MED13L: variants seen among roughly 807,000 people sequenced by gnomAD.
MED13L encodes mediator complex subunit 13L.
MED13L carries 7 observed loss-of-function variants against 220.9 expected under a neutral mutation model. The ratio of observed to expected loss-of-function variants is 0.03; its 90% CI spans 0.02 to 0.06. The LOEUF is 0.06. Among genes scored for constraint, MED13L ranks in the 10% least tolerant of loss-of-function variants. The pLI, the probability that MED13L is intolerant of heterozygous loss-of-function variation, is 1.00. For synonymous variants in MED13L, 1,011 were observed against 1,015.2 expected, an observed-to-expected ratio of 1.00 and a Z score of 0.08; for missense variants, 1,965 against 2,760.5, an observed-to-expected ratio of 0.71 and a Z score of 6.46.
chr12:116,023,171 C>T (rs1880164538), intron 4 of MED13L, among the ~76,000 whole-genome samples: 1 of 152,048 alleles, frequency 6.6e-6, no homozygotes, highest in African/African-American at 2.4e-5. Flanking sequence ...TGGTGTGCAC[C>T]TGTAGTCCTA....
chr12:116,009,541 T>C (rs1284670495), intron 9 of MED13L, among the ~76,000 whole-genome samples: 3 of 152,216 alleles, frequency 2.0e-5, no homozygotes, highest in Non-Finnish European at 2.9e-5. Flanking sequence ...CTAACTGTAA[T>C]ATAGAATGGC....
chr12:115,966,970 G>C (rs796867473), intron 28 of MED13L, among the ~76,000 whole-genome samples: 1 of 151,844 alleles, frequency 6.6e-6, no homozygotes, highest in Non-Finnish European at 1.5e-5. Context: ...TCAGAATTTC[G>C]AGACCTGCCT....
chr12:116,217,163 C>A (rs1199604846), intron 2 of MED13L, among the ~76,000 whole-genome samples: 1 of 152,164 alleles, frequency 6.6e-6, no homozygotes, highest in Non-Finnish European at 1.5e-5. Context: ...CCAGGAAAGA[C>A]AGGCAGCATG....
At chr12:116,003,254 A>G in intron 13 of MED13L, 152 bp from the exon 14 acceptor site, 1 of 701,954 alleles carries the variant, frequency 1.4e-6, no homozygotes, top group Non-Finnish European at 2.5e-6. Flanking sequence ...AGTGAAACAA[A>G]GGAGATGGTT....
intron 2 of MED13L, among the ~76,000 whole-genome samples, chr12:116,136,956 C>T (rs1428208255): frequency 1.3e-5 from 2 of 152,194 alleles, no homozygotes; most frequent in Middle Eastern, 3.4e-3. Flanking sequence ...AAACAGAAGA[C>T]AATTGAGGTA....
At chr12:115,995,271 C>G (rs1464282595) in intron 16 of MED13L, among the ~76,000 whole-genome samples, 2 of 152,164 alleles carry the variant, frequency 1.3e-5, no homozygotes, top group Admixed American at 1.3e-4. Context: ...ATCAGTAGTA[C>G]CAACTCTTTT....
At chr12:116,076,635 G>A (rs1183640673) in intron 4 of MED13L, among the ~76,000 whole-genome samples, 1 of 152,194 alleles carries the variant, frequency 6.6e-6, no homozygotes, top group African/African-American at 2.4e-5. Context: ...GGGGTCAAGA[G>A]CAATTGGGAG....
Position 116,038,087 on chromosome 12 carries a change from C to A in MED13L, c.480-15486G>T, listed in dbSNP as rs577840620. Among the ~76,000 whole-genome samples, 4 of 151,984 alleles carry A rather than the reference C, an allele frequency of 2.6e-5. No individual in the cohort carries two copies. The South Asian group carries it at 8.3e-4, about 32-fold the overall frequency. The stretch of plus-strand genomic sequence containing the variant: ...TCAATGGGGAGTGTGTCTGACAGAA[C>A]ACACAGATTAAAGTGGAATTTATAT... On this transcript the variant is annotated intron_variant, in intron 4 of 30. Coordinates refer to ENST00000281928, the MANE Select transcript of MED13L (RefSeq NM_015335.5).
chr12:116,006,004 G>A lies in MED13L; in HGVS notation c.2345-11C>T. 6.2e-7 allele frequency: 1 copy of A among 1,613,844 alleles called. No homozygotes were observed. ...TATCCTGCCGGACATCTGTAGGAAA[G>A]GAGGCAAAAGACACAGAATAAACAA... On this transcript the variant is annotated splice_polypyrimidine_tract_variant and intron_variant, in intron 12 of 30. Coordinates refer to ENST00000281928, the MANE Select transcript of MED13L (RefSeq NM_015335.5).
At chr12:116,060,282 A>G (rs1869333420) in intron 4 of MED13L, among the ~76,000 whole-genome samples, 1 of 152,168 alleles carries the variant, frequency 6.6e-6, no homozygotes, top group Admixed American at 6.5e-5. Context: ...AATTTTGAAA[A>G]ATTCACAAAA....
intron 2 of MED13L, among the ~76,000 whole-genome samples, chr12:116,200,686 T>C (rs866302850): frequency 6.6e-6 from 1 of 152,220 alleles, no homozygotes; most frequent in African/African-American, 2.4e-5. Context: ...ACTAAGTCTA[T>C]ACTAAGCACA....
intron 27 of MED13L, 105 bp downstream of exon 27, chr12:115,970,489 G>T: frequency 8.2e-7 from 1 of 1,215,694 alleles, no homozygotes; most frequent in Non-Finnish European, 1.2e-6. Context: ...TAGTTCCTGG[G>T]TTGTTTATTA....
intron 2 of MED13L, among the ~76,000 whole-genome samples, chr12:116,212,113 T>C (rs1229226730): frequency 6.6e-6 from 1 of 152,110 alleles, no homozygotes; most frequent in Non-Finnish European, 1.5e-5. Context: ...ACTGCAAAAG[T>C]GAAATAACAT....
chr12:116,008,249 C>T, intron 10 of MED13L, 152 bp downstream of exon 10: 1 of 1,089,026 alleles, frequency 9.2e-7, no homozygotes, highest in Non-Finnish European at 1.3e-6. Context: ...TAGGACAAAG[C>T]ATTTGACCAT....
At chr12:116,174,989 GA>G (rs1879941857) in intron 2 of MED13L, 2 of 152,312 alleles carry the variant, frequency 1.3e-5, no homozygotes, top group African/African-American at 4.8e-5. Flanking sequence ...TTGAGCCCAG[GA>G]GTTAGAGACT....
chr12:116,086,284 T>TC (rs1323020487), intron 4 of MED13L, among the ~76,000 whole-genome samples: 1 of 21,052 alleles, frequency 4.8e-5, no homozygotes, highest in Non-Finnish European at 9.7e-5. Context: ...ACGATAATTC[T>TC]TTTTTTTTTT....
intron 1 of MED13L, among the ~76,000 whole-genome samples, chr12:116,250,823 C>G (rs371002221): frequency 6.7e-6 from 1 of 148,204 alleles, no homozygotes. Flanking sequence ...CTTTAAATTT[C>G]TTTAAAGGCT....
chr12:116,156,651 A>G (rs1878465882), intron 2 of MED13L, among the ~76,000 whole-genome samples: 1 of 152,172 alleles, frequency 6.6e-6, no homozygotes. Context: ...TATGTACCTT[A>G]TTTTGTAAGA....
intron 2 of MED13L, chr12:116,181,409 C>T (rs1290954452): frequency 2.6e-5 from 4 of 152,166 alleles, no homozygotes; most frequent in Non-Finnish European, 5.9e-5. Context: ...CCTTTGCATG[C>T]CAGCCAACTG....
Sources: gnomAD v4.1 joint callset for allele counts (sites outside exome capture counted in the v4.1 genomes callset) on GRCh38, gnomAD v4.1.1 for gene constraint, MANE v1.5 for transcripts, NCBI Gene and HGNC (gene_info 2026-07-23, HGNC 2026-07-21) for gene names.